EPB41L4B: variants seen among roughly 807,000 people sequenced by gnomAD.
The protein encoded by EPB41L4B is erythrocyte membrane protein band 4.1 like 4B, also known as band 4.1-like protein 4B.
EPB41L4B carries 30 observed loss-of-function variants against 112.5 expected under a neutral mutation model. The observed-to-expected ratio is 0.27, with a 90% CI of 0.20 to 0.36. The LOEUF is 0.36. Ranked by LOEUF, EPB41L4B falls within the 10% of genes least tolerant of loss-of-function variation. The pLI, the probability that EPB41L4B is intolerant of heterozygous loss-of-function variation, is 1.00. For missense variants in EPB41L4B, 1,024 were observed against 1,133.3 expected, an observed-to-expected ratio of 0.90 and a Z score of 1.38; for synonymous variants, 408 against 439.7, an observed-to-expected ratio of 0.93 and a Z score of 0.90.
intron 2 of EPB41L4B, 70 bp from the exon 3 acceptor site, chr9:109,268,503 C>T (rs1457666668): frequency 2.2e-6 from 3 of 1,394,046 alleles, no homozygotes; most frequent in African/African-American, 1.5e-5. Context: ...CACAGTTACC[C>T]TCCTCTAAAA....
chr9:109,203,031 G>C (rs910603270), intron 19 of EPB41L4B, among the ~76,000 whole-genome samples: 5 of 152,150 alleles, frequency 3.3e-5, no homozygotes, highest in Admixed American at 3.3e-4. Flanking sequence ...GCGTGCACCT[G>C]TAATCCCAGT....
chr9:109,243,346 T>C (rs1252036681), intron 15 of EPB41L4B, among the ~76,000 whole-genome samples: 2 of 150,888 alleles, frequency 1.3e-5, no homozygotes, highest in Non-Finnish European at 2.9e-5. Flanking sequence ...TTCAGTAACA[T>C]CTTGAACACA....
chr9:109,215,019 T>C (rs1335204467), intron 16 of EPB41L4B, among the ~76,000 whole-genome samples: 1 of 152,156 alleles, frequency 6.6e-6, no homozygotes, highest in East Asian at 1.9e-4. Flanking sequence ...TTCGGATTCT[T>C]CAATACCAAG....
At chr9:109,279,638 A>G (rs571497712) in intron 2 of EPB41L4B, among the ~76,000 whole-genome samples, 179 bp downstream of exon 2, 7 of 152,324 alleles carry the variant, frequency 4.6e-5, no homozygotes, top group Admixed American at 3.9e-4. Flanking sequence ...AGGGTGAGGC[A>G]TCCTACAAGC....
chr9:109,208,130 T>A, intron 17 of EPB41L4B, 81 bp from the exon 18 acceptor site: 1 of 1,543,902 alleles, frequency 6.5e-7, no homozygotes, highest in Non-Finnish European at 8.9e-7. Context: ...TAATCATAAC[T>A]GCATATAACA....
chr9:109,304,684 G>T (rs1306085416), intron 1 of EPB41L4B, among the ~76,000 whole-genome samples: 1 of 152,164 alleles, frequency 6.6e-6, no homozygotes, highest in Non-Finnish European at 1.5e-5. Context: ...CCTACTCCAT[G>T]GGGGGATGAG....
chr9:109,213,788 C>T lies in EPB41L4B; in HGVS notation c.1664G>A (p.Ser555Asn), dbSNP rs757019334. 4 of 1,614,178 alleles carry T rather than the reference C, an allele frequency of 2.5e-6. No homozygotes were observed. Among genetic ancestry groups the T allele is most frequent in the Admixed American group, 3.3e-5 (2 of 60,022 alleles). Residue 555 changes from serine (S) to asparagine (N), a missense_variant, in exon 17 of 26, where the codon AGT (serine) becomes AAT (asparagine). Ser to Asn is a conservative substitution (Grantham distance 46, BLOSUM62 1). Transcript: ENST00000374566. Reference protein sequence around the residue: ...KLSPGTPALFSEAAAHLKKLE... With the variant: ...KLSPGTPALFNEAAAHLKKLE... ...CTTCTTTAGATGGGCAGCGGCTTCA[C>T]TGAACAAGGCAGGTGTTCCTGGACT...
At chr9:109,296,859 G>A (rs374198473) in intron 1 of EPB41L4B, among the ~76,000 whole-genome samples, 7 of 146,494 alleles carry the variant, frequency 4.8e-5, no homozygotes, top group East Asian at 2.0e-4. Flanking sequence ...ACTGCAGAAC[G>A]AGGCCATGTC....
At chr9:109,305,266 C>A (rs1837137274) in intron 1 of EPB41L4B, among the ~76,000 whole-genome samples, 1 of 152,054 alleles carries the variant, frequency 6.6e-6, no homozygotes, top group Admixed American at 6.6e-5. Context: ...AATGTGGCAT[C>A]ATCTGAGACA....
At chr9:109,247,664 G>A (rs1422929395) in intron 14 of EPB41L4B, 92 bp downstream of exon 14, 8 of 895,712 alleles carry the variant, frequency 8.9e-6, no homozygotes, top group Non-Finnish European at 1.3e-5. Flanking sequence ...TGCTCATTAT[G>A]GAAAATTTAG....
intron 13 of EPB41L4B, among the ~76,000 whole-genome samples, chr9:109,248,993 A>G (rs1374223548): frequency 6.6e-6 from 1 of 150,884 alleles, no homozygotes; most frequent in East Asian, 1.9e-4. Flanking sequence ...CGGGAGGCAG[A>G]GCTGGCAGTG....
chr9:109,266,378 A>G (rs1005280605), intron 4 of EPB41L4B, among the ~76,000 whole-genome samples: 1 of 151,644 alleles, frequency 6.6e-6, no homozygotes, highest in Non-Finnish European at 1.5e-5. Context: ...CTTGTCTCCA[A>G]AAAAAAAGCC....
At chr9:109,277,187 G>A (rs1835861337) in intron 2 of EPB41L4B, among the ~76,000 whole-genome samples, 1 of 152,092 alleles carries the variant, frequency 6.6e-6, no homozygotes, top group African/African-American at 2.4e-5. Context: ...GAGGGCTGGA[G>A]AGTGGCAGGT....
intron 1 of EPB41L4B, among the ~76,000 whole-genome samples, chr9:109,286,193 GTGGATGGATGGA>G (rs1210969065): frequency 6.7e-6 from 1 of 148,774 alleles, no homozygotes; most frequent in Non-Finnish European, 1.5e-5. Context: ...GGATGGATGG[GTGGATGGATGGA>G]TGGATGGATG....
At position 109,256,453 on chromosome 9, in the gene EPB41L4B, G is replaced by C; in HGVS notation, c.780C>G (p.Leu260=). 6.2e-7 allele frequency: 1 copy of C among 1,614,230 alleles called. No homozygotes were observed. The highest frequency in any genetic ancestry group is 2.2e-5 in the East Asian group (1 of 44,888). The change falls in exon 8 of 26, where the codon CTC becomes CTG. Residue 260 remains leucine (L), a synonymous_variant. Coordinates refer to ENST00000374566, the MANE Select transcript of EPB41L4B (RefSeq NM_019114.5). ...GCCACTTCGCTTTATTCAGATAGGAGAGTTCCGCCTGGGCAGGGCTCTTTC... is the reference window on the plus strand; with the variant it reads ...GCCACTTCGCTTTATTCAGATAGGACAGTTCCGCCTGGGCAGGGCTCTTTC... ...CRGKSPAQAE[L]SYLNKAKWLE...
chr9:109,314,850 C>A (rs1837574299), intron 1 of EPB41L4B, among the ~76,000 whole-genome samples: 1 of 152,160 alleles, frequency 6.6e-6, no homozygotes, highest in Non-Finnish European at 1.5e-5. Context: ...GTGCCCATGG[C>A]AGCCAGAGCC....
chr9:109,185,265 T>C (rs1245335380), intron 23 of EPB41L4B, among the ~76,000 whole-genome samples: 1 of 152,240 alleles, frequency 6.6e-6, no homozygotes, highest in East Asian at 1.9e-4. Flanking sequence ...TCTTCTTGAT[T>C]CTTGAGACCT....
In EPB41L4B at chr9:109,310,192, A is replaced by C. The variant is rs1260674129; in HGVS notation, c.306+9949T>G. Reference sequence around the variant, plus strand: ...AAACAGTAAGAACTCCAGTCATCTCACTGACACAAATTCTCACAGACACAA... The same window carrying C: ...AAACAGTAAGAACTCCAGTCATCTCCCTGACACAAATTCTCACAGACACAA... On this transcript the variant is annotated intron_variant, in intron 1 of 25. Coordinates refer to ENST00000374566, the MANE Select transcript of EPB41L4B (RefSeq NM_019114.5). Among the ~76,000 whole-genome samples, 5 of 152,324 alleles carry C rather than the reference A, an allele frequency of 3.3e-5. No homozygotes were observed. In the South Asian group the frequency reaches 8.3e-4, roughly 25 times the overall value.
At chr9:109,259,080 T>C (rs937338834) in intron 6 of EPB41L4B, among the ~76,000 whole-genome samples, 1 of 152,054 alleles carries the variant, frequency 6.6e-6, no homozygotes, top group African/African-American at 2.4e-5. Flanking sequence ...AGGAATCCTC[T>C]AGAGTTCCCT....
Sources: gnomAD v4.1 joint callset for allele counts (sites outside exome capture counted in the v4.1 genomes callset) on GRCh38, gnomAD v4.1.1 for gene constraint, MANE v1.5 for transcripts, NCBI Gene and HGNC (gene_info 2026-07-23, HGNC 2026-07-21) for gene names.